NRG1: variants seen among roughly 807,000 people sequenced by gnomAD.
NRG1 encodes neuregulin 1.
NRG1 carries 18 observed loss-of-function variants against 63.8 expected under a neutral mutation model. The observed-to-expected ratio is 0.28, with a 90% CI of 0.19 to 0.42. The LOEUF (loss-of-function observed/expected upper bound fraction) is 0.42. NRG1 is among the 10% of genes least tolerant of loss of function. The probability of loss-of-function intolerance (pLI) is 1.00; values close to 1 mark genes in which losing one functional copy is unlikely to be tolerated. For missense variants in NRG1, 762 were observed against 814.7 expected, an observed-to-expected ratio of 0.94 and a Z score of 0.79; for synonymous variants, 302 against 301.3, an observed-to-expected ratio of 1.00 and a Z score of -0.02.
intron 1 of NRG1, among the ~76,000 whole-genome samples, chr8:31,968,404 A>G (rs1218173438): frequency 6.6e-6 from 1 of 152,158 alleles, no homozygotes; most frequent in Non-Finnish European, 1.5e-5. Context: ...GCAAATAGGT[A>G]CTCACCCTAT....
At chr8:32,052,456 T>G (rs975392343) in intron 1 of NRG1, among the ~76,000 whole-genome samples, 2 of 151,480 alleles carry the variant, frequency 1.3e-5, no homozygotes, top group Non-Finnish European at 2.9e-5. Context: ...TTTATTTGTA[T>G]TTTTTTTAAA....
At chr8:32,558,578 C>T (rs944129601) in intron 1 of NRG1, among the ~76,000 whole-genome samples, 9 of 152,204 alleles carry the variant, frequency 5.9e-5, no homozygotes, top group Middle Eastern at 3.4e-3. Flanking sequence ...TTGGGAGAGC[C>T]GCAAAGTGGC....
rs186611588 is a variant in NRG1 at position 32,371,328 on chromosome 8, G to A, written c.38-224500G>A. ...TTTGACACAGAAACACATGACCATC[G>A]TAAGGTCTTTCCCAGCTCAGCATTC... On this transcript the variant is annotated intron_variant, in intron 1 of 10. Transcript: ENST00000519301. Among the ~76,000 whole-genome samples the A allele has an allele frequency of 1.3e-3, 200 of 152,308 alleles. 3 individuals are homozygous for A. Among genetic ancestry groups the A allele is most frequent in the African/African-American group, 4.4e-3 (181 of 41,568 alleles).
chr8:31,669,918 G>T (rs541306170), intron 1 of NRG1, among the ~76,000 whole-genome samples: 23 of 152,176 alleles, frequency 1.5e-4, no homozygotes, highest in African/African-American at 5.5e-4. Flanking sequence ...GTGTCATGTT[G>T]GTGCTCAGAA....
At chr8:32,313,967 A>T (rs1287732759) in intron 1 of NRG1, among the ~76,000 whole-genome samples, 2 of 152,176 alleles carry the variant, frequency 1.3e-5, no homozygotes, top group African/African-American at 4.8e-5. Flanking sequence ...ACAAGCAGAC[A>T]CTACTTTTGG....
chr8:31,701,806 A>C (rs923661315), intron 1 of NRG1, among the ~76,000 whole-genome samples: 1 of 152,210 alleles, frequency 6.6e-6, no homozygotes, highest in African/African-American at 2.4e-5. Flanking sequence ...TTCCCAGAGT[A>C]ATGCTTCTCA....
At chr8:31,670,586 G>A (rs1008226396) in intron 1 of NRG1, among the ~76,000 whole-genome samples, 10 of 148,990 alleles carry the variant, frequency 6.7e-5, no homozygotes, top group Admixed American at 4.7e-4. Flanking sequence ...TTTTTTTGTC[G>A]AAAATAAACC....
At chr8:32,512,780 G>A (rs1334944794) in intron 1 of NRG1, among the ~76,000 whole-genome samples, 1 of 152,118 alleles carries the variant, frequency 6.6e-6, no homozygotes, top group Non-Finnish European at 1.5e-5. Flanking sequence ...AGGTGTTATA[G>A]GGAGAAATTC....
At chr8:32,616,298 A>G (rs1339903742) in intron 4 of NRG1, among the ~76,000 whole-genome samples, 2 of 151,758 alleles carry the variant, frequency 1.3e-5, no homozygotes, top group East Asian at 1.9e-4. Flanking sequence ...TTTGATCCTA[A>G]TGTAATTATT....
At position 32,084,208 on chromosome 8, in the gene NRG1, A is replaced by G. The variant is rs554092574; in HGVS notation, c.37+444777A>G. Among the ~76,000 whole-genome samples, 11 of 152,306 alleles carry G rather than the reference A, an allele frequency of 7.2e-5. No individual in the cohort carries two copies. In the South Asian group the frequency reaches 2.3e-3, roughly 32 times the overall value. On this transcript the variant is annotated intron_variant, in intron 1 of 10. Transcript: ENST00000519301. ...TGCCTGCCACTTACATGGGATAACT[A>G]TTTTTAGTTCCATCGTCCTTATTAA...
At chr8:32,616,613 A>T (rs558981060) in intron 4 of NRG1, among the ~76,000 whole-genome samples, 17 of 151,944 alleles carry the variant, frequency 1.1e-4, no homozygotes, top group Admixed American at 7.2e-4. Flanking sequence ...AGATGGATTG[A>T]CTCCATTTTC....
chr8:32,233,557 ATATATATTTTTT>A (rs935727649), intron 1 of NRG1, among the ~76,000 whole-genome samples: 5 of 73,770 alleles, frequency 6.8e-5, no homozygotes, highest in African/African-American at 3.9e-4. Context: ...ATATATATAT[ATATATATTTTTT>A]TTTTTTTTTC....
intron 1 of NRG1, among the ~76,000 whole-genome samples, chr8:32,444,330 T>G (rs906210169): frequency 4.6e-5 from 7 of 151,926 alleles, no homozygotes; most frequent in African/African-American, 1.7e-4. Context: ...TGTTTGTTTT[T>G]GTAGAGACTT....
At chr8:32,639,915 C>T (rs1852010900) in intron 5 of NRG1, among the ~76,000 whole-genome samples, 1 of 152,210 alleles carries the variant, frequency 6.6e-6, no homozygotes, top group Non-Finnish European at 1.5e-5. Context: ...TAAAACTTCT[C>T]TTACTGCATT....
At chr8:31,886,893 T>C (rs946715991) in intron 1 of NRG1, among the ~76,000 whole-genome samples, 2 of 152,066 alleles carry the variant, frequency 1.3e-5, no homozygotes, top group Non-Finnish European at 2.9e-5. Context: ...CAGGCTGCAG[T>C]TGATTTTCTT....
chr8:32,480,148 C>T (rs1009091773), intron 1 of NRG1, among the ~76,000 whole-genome samples: 1 of 152,012 alleles, frequency 6.6e-6, no homozygotes, highest in African/African-American at 2.4e-5. Context: ...TGAAGAGAGG[C>T]TACTGAGAAG....
At chr8:31,938,741 G>A (rs1801314718) in intron 1 of NRG1, among the ~76,000 whole-genome samples, 1 of 151,912 alleles carries the variant, frequency 6.6e-6, no homozygotes, top group Non-Finnish European at 1.5e-5. Context: ...GGAAATCAAG[G>A]ACACACTTAG....
At chr8:31,947,166 G>A (rs1454149406) in intron 1 of NRG1, among the ~76,000 whole-genome samples, 1 of 151,662 alleles carries the variant, frequency 6.6e-6, no homozygotes, top group Non-Finnish European at 1.5e-5. Context: ...CGGGCGCGGT[G>A]GCGGGCGCCT....
intron 5 of NRG1, among the ~76,000 whole-genome samples, chr8:32,658,440 G>A (rs749766295): frequency 2.6e-5 from 4 of 152,092 alleles, no homozygotes; most frequent in Admixed American, 2.6e-4. Context: ...TTATAACTTT[G>A]TTGACCCCTG....
Sources: gnomAD v4.1 joint callset for allele counts (sites outside exome capture counted in the v4.1 genomes callset) on GRCh38, gnomAD v4.1.1 for gene constraint, MANE v1.5 for transcripts, NCBI Gene and HGNC (gene_info 2026-07-23, HGNC 2026-07-21) for gene names.